The following CACNA1I variants were observed in gnomAD, a reference collection of about 807,000 sequenced individuals.
CACNA1I encodes the protein voltage-dependent T-type calcium channel subunit alpha-1I.
A neutral mutation model predicts 201.6 loss-of-function variants in CACNA1I; 74 were observed. The ratio of observed to expected loss-of-function variants is 0.37; its 90% CI spans 0.30 to 0.45. CACNA1I has a LOEUF of 0.45. Ranked by LOEUF, CACNA1I falls within the 20% of genes least tolerant of loss-of-function variation. The pLI, the probability that CACNA1I is intolerant of heterozygous loss-of-function variation, is 1.00. For synonymous variants in CACNA1I, 1,431 were observed against 1,345.2 expected, an observed-to-expected ratio of 1.06 and a Z score of -1.40; for missense variants, 2,346 against 3,138.1, an observed-to-expected ratio of 0.75 and a Z score of 6.03.
chr22:39,673,457 A>C (rs1043093577), intron 28 of CACNA1I, among the ~76,000 whole-genome samples: 3 of 152,172 alleles, frequency 2.0e-5, no homozygotes, highest in African/African-American at 7.2e-5. Context: ...TCTCAAACAC[A>C]GTGACTGGGA....
intron 3 of CACNA1I, among the ~76,000 whole-genome samples, chr22:39,610,366 C>G (rs1220024621): frequency 6.6e-6 from 1 of 152,176 alleles, no homozygotes; most frequent in Non-Finnish European, 1.5e-5. Flanking sequence ...TTAAGCTGAG[C>G]TGCCGTTGGG....
chr22:39,658,434 T>C, intron 11 of CACNA1I, 131 bp downstream of exon 11: 1 of 827,998 alleles, frequency 1.2e-6, no homozygotes, highest in Non-Finnish European at 1.9e-6. Flanking sequence ...ATCGAAATAG[T>C]CAAACATTTG....
chr22:39,660,557 ATGGTT>A, intron 15 of CACNA1I, 120 bp downstream of exon 15: 1 of 619,032 alleles, frequency 1.6e-6, no homozygotes, highest in East Asian at 2.9e-5. Flanking sequence ...CTACTTATCT[ATGGTT>A]TGTTGTTTAC....
intron 1 of CACNA1I, among the ~76,000 whole-genome samples, chr22:39,583,331 ACCAT>A (rs1402783076): frequency 7.7e-6 from 1 of 129,176 alleles, no homozygotes; most frequent in Admixed American, 7.8e-5. Flanking sequence ...CATCTATCCA[ACCAT>A]CCATCCATCC....
At chr22:39,599,747 A>G (rs1932984153) in intron 2 of CACNA1I, among the ~76,000 whole-genome samples, 1 of 151,938 alleles carries the variant, frequency 6.6e-6, no homozygotes, top group African/African-American at 2.4e-5. Context: ...CCCGGGCCCC[A>G]GGCCTGGTTA....
In CACNA1I at chr22:39,684,742, G is replaced by A. The variant is rs528729271; in HGVS notation, c.6027+244G>A. On this transcript the variant is annotated intron_variant, in intron 36 of 36. Transcript: ENST00000402142. This position sits in a 1 kb window ranked among gnomAD's most constrained non-coding sequence, Gnocchi z 4.6. ...CAGAGTGTGGGGAGGACCCCAAGGC[G>A]GGTCTGGAAGAGGCCTGTGATCCCT... The A allele has an allele frequency of 1.9e-4, 113 of 600,534 alleles. No individual in the cohort carries two copies. Among genetic ancestry groups the A allele is most frequent in the African/African-American group, 1.3e-3 (69 of 53,980 alleles). The allele number at this position is 600,534 out of a possible 1,614,324, so 37.2% of individuals were successfully genotyped here. A position where few individuals can be genotyped will look rare whatever the true frequency, so the allele number is the denominator to read the frequency against.
At chr22:39,586,652 C>T (rs563785500) in intron 1 of CACNA1I, among the ~76,000 whole-genome samples, 10 of 152,276 alleles carry the variant, frequency 6.6e-5, no homozygotes, top group African/African-American at 2.2e-4. Flanking sequence ...TGTGTGCACA[C>T]GTGTATAAGG....
chr22:39,665,373 C>A lies in CACNA1I; in HGVS notation c.3852-125C>A. On this transcript the variant is annotated intron_variant, in intron 21 of 36. Coordinates refer to ENST00000402142, the MANE Select transcript of CACNA1I (RefSeq NM_021096.4). The surrounding 1 kb of genome is among the most constrained non-coding windows in gnomAD (Gnocchi z 5.5). The stretch of plus-strand genomic sequence containing the variant: ...GACTGTCCTCATGCCCCAGGGTGTT[C>A]AGCCCTGGTGAGCCCTGGGGACTCA... The A allele has an allele frequency of 8.8e-7, 1 of 1,141,414 alleles. No individual in the cohort carries two copies. 70.7% of individuals were successfully genotyped at this position (1,141,414 alleles called of 1,614,324 possible).
chr22:39,662,093 G>A lies in CACNA1I; in HGVS notation c.3030G>A (p.Glu1010=). Residue 1010 remains glutamate, a synonymous_variant, in exon 17 of 37, where the codon GAG becomes GAA. Transcript: ENST00000402142. ...SAEHESLLSA[E]RGGGARVCEV... The stretch of plus-strand genomic sequence containing the variant: ...AGCATGAGTCCCTGCTCTCTGCGGA[G>A]CGCGGCGGCGGCGCCCGGGTCTGCG... 6.5e-7 allele frequency: 1 copy of A among 1,529,344 alleles called. No homozygotes were observed. Among genetic ancestry groups the A allele is most frequent in the Non-Finnish European group, 8.8e-7 (1 of 1,142,812 alleles). The allele number at this position is 1,529,344 out of a possible 1,614,324, so 94.7% of individuals were successfully genotyped here.
In CACNA1I at chr22:39,629,697, C is replaced by T. The variant is rs1934001671; in HGVS notation, c.581-4868C>T. ...CTCCTGGGCCCCACACTCAGCGCTC[C>T]GGTTTCTGTCCCACGTGAGACCCCC... On this transcript the variant is annotated intron_variant, in intron 4 of 36. Coordinates refer to ENST00000402142, the MANE Select transcript of CACNA1I (RefSeq NM_021096.4). This position sits in a 1 kb window ranked among gnomAD's most constrained non-coding sequence, Gnocchi z 4.8. 1.3e-5 allele frequency among the ~76,000 whole-genome samples: 2 copies of T among 152,118 alleles called. No individual in the cohort carries two copies. Among genetic ancestry groups the T allele is most frequent in the Non-Finnish European group, 2.9e-5 (2 of 68,018 alleles).
intron 1 of CACNA1I, 94 bp downstream of exon 1, chr22:39,571,082 G>C (rs1358806421): frequency 9.1e-7 from 1 of 1,103,350 alleles, no homozygotes; most frequent in Non-Finnish European, 1.4e-6. Context: ...GCTCCGGCTG[G>C]GAGACCTGAG....
intron 35 of CACNA1I, 76 bp downstream of exon 35, chr22:39,682,737 T>A: frequency 7.6e-7 from 1 of 1,310,858 alleles, no homozygotes; most frequent in South Asian, 1.4e-5. Context: ...TGGCTGAGTT[T>A]TTTCCTTAGT....
intron 4 of CACNA1I, among the ~76,000 whole-genome samples, chr22:39,627,598 T>C (rs1933936016): frequency 6.6e-6 from 1 of 152,250 alleles, no homozygotes; most frequent in Non-Finnish European, 1.5e-5. Context: ...GGCCTCAGGA[T>C]TCCTTCTTGG....
intron 29 of CACNA1I, among the ~76,000 whole-genome samples, chr22:39,675,720 G>A (rs577442343): frequency 6.6e-6 from 1 of 152,172 alleles, no homozygotes; most frequent in Non-Finnish European, 1.5e-5. Context: ...ATCAGAGAAG[G>A]CTTCTCAGGG....
Position 39,676,007 on chromosome 22 carries a change from G to A in CACNA1I, c.4855-1334G>A, listed in dbSNP as rs975202109. 9.2e-5 allele frequency among the ~76,000 whole-genome samples: 14 copies of A among 152,356 alleles called. No individual in the cohort carries two copies. The highest frequency in any genetic ancestry group is 3.1e-4 in the African/African-American group (13 of 41,592). On this transcript the variant is annotated intron_variant, in intron 29 of 36. Coordinates refer to ENST00000402142, the MANE Select transcript of CACNA1I (RefSeq NM_021096.4). This position sits in a 1 kb window ranked among gnomAD's most constrained non-coding sequence, Gnocchi z 4.8. ...TCTAGACAAGGAAGGCTGCAGCCGAGCTGCCTTTGAGAAGGTGGCTCTGCT... is the reference window on the plus strand; with the variant it reads ...TCTAGACAAGGAAGGCTGCAGCCGAACTGCCTTTGAGAAGGTGGCTCTGCT...
At position 39,570,890 on chromosome 22, in the gene CACNA1I, T is replaced by C. The variant is rs1445849337; in HGVS notation, c.138T>C (p.Asp46=). The C allele has an allele frequency of 2.5e-6, 4 of 1,613,692 alleles. No individual in the cohort carries two copies. Among genetic ancestry groups the C allele is most frequent in the Admixed American group, 1.7e-5 (1 of 60,002 alleles). The change falls in exon 1 of 37, where the codon GAT becomes GAC. Residue 46 remains aspartate (D), a synonymous_variant. Transcript: ENST00000402142. ...TGGAGGAGCCTCTGGATGGAGCTGA[T>C]CCTCATGTCCCACACCCAGACCTGG... The part of the protein sequence containing the change: ...PGLEEPLDGA[D]PHVPHPDLAP...
chr22:39,616,427 C>T (rs1236542218), intron 3 of CACNA1I, among the ~76,000 whole-genome samples: 1 of 152,200 alleles, frequency 6.6e-6, no homozygotes, highest in Non-Finnish European at 1.5e-5. Context: ...GGATCAGTCT[C>T]TTCCTGCCAC....
Position 39,659,019 on chromosome 22 carries a change from A to T in CACNA1I, c.2233A>T (p.Met745Leu), listed in dbSNP as rs1342161645. ...GCGCGTGCTGAAACTGGTGCGCTTC[A>T]TGCCTGCCCTGCGGCGCCAGCTCGT... ...LLRVLKLVRFMPALRRQLVVL... is the reference protein window; with the variant it reads ...LLRVLKLVRFLPALRRQLVVL... Residue 745 changes from methionine (M) to leucine (L), a missense_variant, in exon 12 of 37, where the codon ATG becomes TTG. Around this residue, in one of 13 missense-constraint regions of CACNA1I, gnomAD observed 155 missense variants for 300.8 expected, o/e 0.52. Transcript: ENST00000402142. The surrounding 1 kb of genome is among the most constrained non-coding windows in gnomAD (Gnocchi z 4.3). 1 of 1,612,496 alleles carries T rather than the reference A, an allele frequency of 6.2e-7. No homozygotes were observed. The highest frequency in any genetic ancestry group is 8.5e-7 in the Non-Finnish European group (1 of 1,179,548).
chr22:39,688,293 TGGGG>T lies in CACNA1I; in HGVS notation c.*1890_*1893del, dbSNP rs773019587. The T allele has an allele frequency of 3.1e-4, 48 of 152,598 alleles. 1 individual carries two copies. In the East Asian group the frequency reaches 4.1e-3, roughly 13 times the overall value. The allele number at this position is 152,598 out of a possible 1,614,324, so 9.5% of individuals were successfully genotyped here. A position where few individuals can be genotyped will look rare whatever the true frequency, so the allele number is the denominator to read the frequency against. ...GCGGAAGGAACTGCCCAGTCCTCCCTGGGGGCAGGTAGACCTGTGGGGATGGCTC... is the reference window on the plus strand; with the variant it reads ...GCGGAAGGAACTGCCCAGTCCTCCCTGCAGGTAGACCTGTGGGGATGGCTC... On this transcript the variant is annotated 3_prime_UTR_variant, in exon 37 of 37. Coordinates refer to ENST00000402142, the MANE Select transcript of CACNA1I (RefSeq NM_021096.4). This position sits in a 1 kb window ranked among gnomAD's most constrained non-coding sequence, Gnocchi z 4.8.
Sources: allele counts gnomAD v4.1 joint callset (sites outside exome capture counted in the v4.1 genomes callset), GRCh38; gene constraint gnomAD v4.1.1; regional missense constraint gnomAD v4.1.1; non-coding constraint Gnocchi (gnomAD v3.1); transcripts MANE v1.5; gene names NCBI Gene and HGNC (gene_info 2026-07-23, HGNC 2026-07-21).